MAGI2: variants seen among roughly 807,000 people sequenced by gnomAD.
MAGI2 encodes membrane-associated guanylate kinase, WW and PDZ domain-containing protein 2.
Under a neutral mutation model 133.3 loss-of-function variants are expected in MAGI2, and 35 were observed. The observed-to-expected ratio is 0.26, with a 90% CI of 0.20 to 0.35. The LOEUF is 0.35. MAGI2 is among the 10% of genes least tolerant of loss of function. The probability of loss-of-function intolerance (pLI) is 1.00; values close to 1 mark genes in which losing one functional copy is unlikely to be tolerated. For missense variants in MAGI2, 1,636 were observed against 1,863.4 expected (o/e 0.88, Z 2.25); for synonymous variants, 729 against 710.6 (o/e 1.03, Z -0.41).
intron 2 of MAGI2, among the ~76,000 whole-genome samples, chr7:78,875,969 C>T (rs1033545655): frequency 1.1e-4 from 16 of 152,148 alleles, no homozygotes; most frequent in Non-Finnish European, 1.9e-4. Flanking sequence ...GCATTAATAA[C>T]AGCTGTCCAA....
intron 2 of MAGI2, among the ~76,000 whole-genome samples, chr7:78,893,840 A>G (rs1253193943): frequency 6.6e-6 from 1 of 152,216 alleles, no homozygotes; most frequent in East Asian, 1.9e-4. Context: ...ACAAACCTGC[A>G]CGTTGTGCAC....
intron 1 of MAGI2, among the ~76,000 whole-genome samples, chr7:79,255,493 A>G (rs1242072176): frequency 2.0e-5 from 3 of 152,240 alleles, no homozygotes; most frequent in Admixed American, 6.5e-5. Context: ...TTATGTAAAA[A>G]GAATATGAAA....
At chr7:78,996,990 T>C (rs1342188594) in intron 2 of MAGI2, among the ~76,000 whole-genome samples, 1 of 151,934 alleles carries the variant, frequency 6.6e-6, no homozygotes, top group East Asian at 1.9e-4. Flanking sequence ...TAAAGATGAG[T>C]TTAAAAAATG....
intron 2 of MAGI2, among the ~76,000 whole-genome samples, chr7:78,948,417 A>C (rs763962544): frequency 6.6e-6 from 1 of 151,230 alleles, no homozygotes; most frequent in South Asian, 2.1e-4. Flanking sequence ...ATTCATTTTC[A>C]TGTGAATTTT....
At chr7:78,323,301 C>G (rs1207375314) in intron 9 of MAGI2, among the ~76,000 whole-genome samples, 1 of 152,148 alleles carries the variant, frequency 6.6e-6, no homozygotes, top group Non-Finnish European at 1.5e-5. Context: ...CCGAGGACCT[C>G]ATTCCTTCAG....
intron 1 of MAGI2, among the ~76,000 whole-genome samples, chr7:79,399,491 A>G (rs990934943): frequency 6.6e-6 from 1 of 152,236 alleles, no homozygotes; most frequent in East Asian, 1.9e-4. Context: ...AGGGTTGTAG[A>G]GAGCATCTTG....
intron 1 of MAGI2, among the ~76,000 whole-genome samples, chr7:79,143,957 C>T (rs1822372699): frequency 1.3e-5 from 2 of 152,168 alleles, no homozygotes; most frequent in South Asian, 4.1e-4. Flanking sequence ...TATATAATTA[C>T]AGGCACAGAA....
intron 2 of MAGI2, among the ~76,000 whole-genome samples, chr7:78,825,392 A>G (rs1307679726): frequency 1.3e-5 from 2 of 152,204 alleles, no homozygotes; most frequent in African/African-American, 4.8e-5. Context: ...TTATAAATAT[A>G]TGTTACTAGT....
chr7:78,924,489 G>C (rs1799525296), intron 2 of MAGI2, among the ~76,000 whole-genome samples: 2 of 152,018 alleles, frequency 1.3e-5, no homozygotes, highest in South Asian at 4.2e-4. Context: ...TTATATGCTG[G>C]ATTACATTTA....
chr7:79,259,673 G>C (rs1477734560), intron 1 of MAGI2, among the ~76,000 whole-genome samples: 1 of 152,132 alleles, frequency 6.6e-6, no homozygotes, highest in Non-Finnish European at 1.5e-5. Context: ...AAGATGCTAA[G>C]AATTTTTTGT....
chr7:79,108,436 A>T (rs1818625238), intron 1 of MAGI2, among the ~76,000 whole-genome samples: 1 of 152,180 alleles, frequency 6.6e-6, no homozygotes, highest in Admixed American at 6.5e-5. Flanking sequence ...TGATAAATTG[A>T]TTTATTCATC....
chr7:78,913,325 T>C (rs927484400), intron 2 of MAGI2, among the ~76,000 whole-genome samples: 2 of 152,118 alleles, frequency 1.3e-5, no homozygotes, highest in African/African-American at 4.8e-5. Flanking sequence ...TGCATTCTCC[T>C]GAAATCTGGC....
intron 1 of MAGI2, among the ~76,000 whole-genome samples, chr7:79,022,909 A>G (rs1457135296): frequency 6.6e-6 from 1 of 152,190 alleles, no homozygotes; most frequent in African/African-American, 2.4e-5. Context: ...TCACTGCCAA[A>G]TTCTACCAGA....
intron 2 of MAGI2, among the ~76,000 whole-genome samples, chr7:78,679,322 G>A (rs1815395797): frequency 6.6e-6 from 1 of 152,074 alleles, no homozygotes; most frequent in African/African-American, 2.4e-5. Context: ...TGCCCCATTA[G>A]ACTGATCTCC....
chr7:78,348,028 T>G (rs531003399), intron 7 of MAGI2, among the ~76,000 whole-genome samples: 78 of 152,334 alleles, frequency 5.1e-4, no homozygotes, highest in African/African-American at 1.7e-3. Context: ...CTTTGAAACC[T>G]TCCTATTACT....
At chr7:78,392,042 C>A (rs965206487) in intron 6 of MAGI2, among the ~76,000 whole-genome samples, 1 of 152,022 alleles carries the variant, frequency 6.6e-6, no homozygotes, top group African/African-American at 2.4e-5. Flanking sequence ...ACAGACACAT[C>A]GTTTCGACTC....
chr7:79,255,072 C>T (rs776689960), intron 1 of MAGI2, among the ~76,000 whole-genome samples: 13 of 152,112 alleles, frequency 8.5e-5, no homozygotes, highest in Admixed American at 7.2e-4. Flanking sequence ...CTGTATGACA[C>T]GTATTTTTCT....
At chr7:79,093,974 C>T (rs1817310859) in intron 1 of MAGI2, among the ~76,000 whole-genome samples, 1 of 152,062 alleles carries the variant, frequency 6.6e-6, no homozygotes. Flanking sequence ...CTCAGCCTCC[C>T]AAAGTGCTGG....
intron 2 of MAGI2, among the ~76,000 whole-genome samples, chr7:78,895,153 T>C (rs781137241): frequency 4.9e-4 from 75 of 152,182 alleles, no homozygotes; most frequent in Non-Finnish European, 8.7e-4. Flanking sequence ...AGGAACAGGT[T>C]AGTTATTATG....
Sources: gnomAD v4.1 joint callset for allele counts (sites outside exome capture counted in the v4.1 genomes callset) on GRCh38, gnomAD v4.1.1 for gene constraint, MANE v1.5 for transcripts, NCBI Gene and HGNC (gene_info 2026-07-23, HGNC 2026-07-21) for gene names.